The following SYN3 variants were observed in gnomAD, a reference collection of about 807,000 sequenced individuals.
SYN3 encodes synapsin-3.
In SYN3, 35 loss-of-function variants were observed where a neutral mutation model predicts 65.8. The ratio of observed to expected loss-of-function variants is 0.53; its 90% CI spans 0.41 to 0.70. The LOEUF (loss-of-function observed/expected upper bound fraction) is 0.70, where lower values mean the gene tolerates loss of function less well. SYN3 is among the 30% of genes least tolerant of loss of function. SYN3 has a pLI of 0.00. For synonymous variants in SYN3, 270 were observed against 292.9 expected (o/e 0.92, Z 0.80); for missense variants, 680 against 749.0 (o/e 0.91, Z 1.08).
rs919663761 is a variant in SYN3 at position 32,630,112 on chromosome 22, T to C, written c.712-33376A>G. Among the ~76,000 whole-genome samples, 6 of 152,094 alleles carry C rather than the reference T, an allele frequency of 3.9e-5. No individual in the cohort carries two copies. In the East Asian group the frequency reaches 9.7e-4, roughly 25 times the overall value. On this transcript the variant is annotated intron_variant, in intron 6 of 13. Coordinates refer to ENST00000358763, the MANE Select transcript of SYN3 (RefSeq NM_003490.4). The stretch of plus-strand genomic sequence containing the variant: ...AATTCTCCTGCCTCAGCCTCCCAAG[T>C]AGCTGGGACTACCGGCGCCCACCAC...
intron 6 of SYN3, among the ~76,000 whole-genome samples, chr22:32,842,642 T>G (rs567810759): frequency 6.6e-6 from 1 of 152,322 alleles, no homozygotes; most frequent in East Asian, 1.9e-4. Flanking sequence ...ACATATACAT[T>G]GTCTCATTTA....
intron 7 of SYN3, among the ~76,000 whole-genome samples, chr22:32,571,197 A>G (rs1349908505): frequency 6.6e-6 from 1 of 151,998 alleles, no homozygotes; most frequent in African/African-American, 2.4e-5. Flanking sequence ...GAAGGAGCAA[A>G]CTTCCCCAGA....
At position 33,006,828 on chromosome 22, in the gene SYN3, G is replaced by A; in HGVS notation, c.-162-4C>T. The A allele has an allele frequency of 1.7e-6, 1 of 593,826 alleles. No individual in the cohort carries two copies. The highest frequency in any genetic ancestry group is 3.0e-5 in the South Asian group (1 of 33,598). 36.8% of individuals were successfully genotyped at this position (593,826 alleles called of 1,614,324 possible). A position where few individuals can be genotyped will look rare whatever the true frequency, so the allele number is the denominator to read the frequency against. ...TTTAGCTGCCTTTATTTACCTGCTG[G>A]AAATAAGCCAACAAATACATAAGTG... is the stretch of plus-strand genomic sequence containing the variant. On this transcript the variant is annotated splice_region_variant and splice_polypyrimidine_tract_variant and intron_variant, in intron 1 of 13. Coordinates refer to ENST00000358763, the MANE Select transcript of SYN3 (RefSeq NM_003490.4).
chr22:32,776,001 G>A (rs1056388845), intron 6 of SYN3, among the ~76,000 whole-genome samples: 1 of 152,150 alleles, frequency 6.6e-6, no homozygotes, highest in Non-Finnish European at 1.5e-5. Flanking sequence ...TCACCCAGGT[G>A]GGCCCTAAAT....
In SYN3 at chr22:32,676,069, G is replaced by GTT. The variant is rs2060436697; in HGVS notation, c.712-79334_712-79333insAA. ...CCCCAGGATGAACTCTGAGGATGAA[G>GTT]ACTACCTGAAAGGTATCTCAGATGA... On this transcript the variant is annotated intron_variant, in intron 6 of 13. Coordinates refer to ENST00000358763, the MANE Select transcript of SYN3 (RefSeq NM_003490.4). Among the ~76,000 whole-genome samples, 228 of 152,028 alleles carry GTT rather than the reference G, an allele frequency of 1.5e-3. 2 individuals carry two copies. The highest frequency in any genetic ancestry group is 6.8e-3 in the Middle Eastern group (2 of 292).
intron 1 of SYN3, among the ~76,000 whole-genome samples, chr22:33,042,920 C>T (rs970544360): frequency 2.6e-5 from 4 of 152,184 alleles, no homozygotes; most frequent in South Asian, 2.1e-4. Flanking sequence ...GGGGATGTTC[C>T]GGAGCTTCTG....
In SYN3 at chr22:32,749,075, T is replaced by C. The variant is rs1325668872; in HGVS notation, c.711+115840A>G. ...ACATTACCAAAGACTGAGGCACTCA[T>C]AAACACAGTTTCTCACACTTTTACA... On this transcript the variant is annotated intron_variant, in intron 6 of 13. Transcript: ENST00000358763. Among the ~76,000 whole-genome samples the C allele has an allele frequency of 6.6e-5, 10 of 152,254 alleles. No individual in the cohort carries two copies. In the South Asian group the frequency reaches 1.9e-3, roughly 28 times the overall value.
chr22:32,611,718 T>G (rs1184473289), intron 6 of SYN3, among the ~76,000 whole-genome samples: 1 of 152,168 alleles, frequency 6.6e-6, no homozygotes, highest in African/African-American at 2.4e-5. Context: ...CAGGATGCTG[T>G]GACGTGATAA....
intron 6 of SYN3, among the ~76,000 whole-genome samples, chr22:32,688,161 A>C (rs2060616464): frequency 2.0e-5 from 3 of 152,140 alleles, no homozygotes; most frequent in African/African-American, 7.2e-5. Flanking sequence ...TATCAACTCT[A>C]ATGTCCAGTG....
chr22:32,805,888 T>C (rs954235909), intron 6 of SYN3, among the ~76,000 whole-genome samples: 4 of 151,990 alleles, frequency 2.6e-5, no homozygotes, highest in African/African-American at 4.8e-5. Flanking sequence ...TTTAAAAATA[T>C]GAAGATAGCC....
chr22:32,780,851 G>A (rs369431114), intron 6 of SYN3, among the ~76,000 whole-genome samples: 28 of 152,068 alleles, frequency 1.8e-4, no homozygotes, highest in African/African-American at 6.5e-4. Context: ...AGTACCCAGC[G>A]TAATAAGCAC....
intron 6 of SYN3, among the ~76,000 whole-genome samples, chr22:32,612,475 C>A (rs1349652540): frequency 6.6e-6 from 1 of 152,094 alleles, no homozygotes; most frequent in Non-Finnish European, 1.5e-5. Flanking sequence ...TATGGAAAAC[C>A]CACATATTTA....
At chr22:32,982,341 GTCCT>G (rs1009258776) in intron 2 of SYN3, among the ~76,000 whole-genome samples, 1 of 151,872 alleles carries the variant, frequency 6.6e-6, no homozygotes, top group Non-Finnish European at 1.5e-5. Context: ...CCATCCGTCC[GTCCT>G]TCCTTCCTTC....
chr22:32,894,131 A>ACG (rs2049524996), intron 4 of SYN3, among the ~76,000 whole-genome samples: 2 of 152,272 alleles, frequency 1.3e-5, no homozygotes, highest in East Asian at 3.9e-4. Context: ...TGTAATACTT[A>ACG]TGTCTTCTAC....
intron 8 of SYN3, 129 bp from the exon 9 acceptor site, chr22:32,538,239 C>A (rs2239765): frequency 0.33 from 247,670 of 752,326 alleles, 42,299 homozygotes; most frequent in East Asian, 0.59. Flanking sequence ...TGTATTCTTA[C>A]GTACACACCT....
chr22:32,690,681 C>T (rs1355530450), intron 6 of SYN3, among the ~76,000 whole-genome samples: 1 of 152,196 alleles, frequency 6.6e-6, no homozygotes, highest in Non-Finnish European at 1.5e-5. Context: ...ACCTTCCCTG[C>T]ATCCCTCCAC....
chr22:32,873,708 C>T (rs2048913176), intron 4 of SYN3, among the ~76,000 whole-genome samples: 2 of 152,170 alleles, frequency 1.3e-5, no homozygotes, highest in Admixed American at 1.3e-4. Context: ...GAGTGGCCAG[C>T]TACACTGAAG....
intron 4 of SYN3, among the ~76,000 whole-genome samples, chr22:32,898,078 C>G (rs954025296): frequency 6.6e-6 from 1 of 152,210 alleles, no homozygotes; most frequent in Non-Finnish European, 1.5e-5. Flanking sequence ...TCACTGCAAC[C>G]TCCACCTCCC....
At chr22:32,659,568 A>G (rs1323430845) in intron 6 of SYN3, among the ~76,000 whole-genome samples, 1 of 152,170 alleles carries the variant, frequency 6.6e-6, no homozygotes, top group Non-Finnish European at 1.5e-5. Context: ...ATTGCTAGAC[A>G]TTCTTTACCT....
Sources: gnomAD v4.1 joint callset for allele counts (sites outside exome capture counted in the v4.1 genomes callset) on GRCh38, gnomAD v4.1.1 for gene constraint, MANE v1.5 for transcripts, NCBI Gene and HGNC (gene_info 2026-07-23, HGNC 2026-07-21) for gene names.